TNRC6A: variants seen among roughly 807,000 people sequenced by gnomAD.
TNRC6A encodes trinucleotide repeat containing adaptor 6A, also known as trinucleotide repeat-containing gene 6A protein.
TNRC6A carries 44 observed loss-of-function variants against 221.2 expected under a neutral mutation model. That is an observed-to-expected ratio of 0.20 (90% CI 0.16 to 0.26). The LOEUF (loss-of-function observed/expected upper bound fraction) is 0.26. Ranked by LOEUF, TNRC6A falls within the 10% of genes least tolerant of loss-of-function variation. TNRC6A has a pLI of 1.00. For missense variants in TNRC6A, 2,199 were observed against 2,404.4 expected (o/e 0.91, Z 1.79); for synonymous variants, 847 against 838.5 (o/e 1.01, Z -0.18).
chr16:24,776,226 CT>C, intron 4 of TNRC6A: 2 of 977,418 alleles, frequency 2.0e-6, no homozygotes, highest in Non-Finnish European at 2.4e-6. Context: ...TCTTTCCACT[CT>C]TTTATGAGTC....
At chr16:24,822,747 A>C in intron 23 of TNRC6A, 127 bp from the exon 24 acceptor site, 1 of 1,290,152 alleles carries the variant, frequency 7.8e-7, no homozygotes, top group Non-Finnish European at 1.1e-6. Flanking sequence ...TCAGAGTGTC[A>C]GTGAAGAGTG....
At chr16:24,780,478 G>GT (rs1947566645) in intron 5 of TNRC6A, among the ~76,000 whole-genome samples, 1 of 152,148 alleles carries the variant, frequency 6.6e-6, no homozygotes, top group Admixed American at 6.5e-5. Flanking sequence ...ATTTTTGCTA[G>GT]TTGTCCCAAG....
At chr16:24,696,652 C>A (rs1453064815) in intron 2 of TNRC6A, among the ~76,000 whole-genome samples, 5 of 141,364 alleles carry the variant, frequency 3.5e-5, no homozygotes, top group Non-Finnish European at 6.0e-5. Context: ...TTGCTTGAGA[C>A]TAGGAGGTCA....
At chr16:24,814,704 C>T (rs963613467) in intron 18 of TNRC6A, among the ~76,000 whole-genome samples, 11 of 152,082 alleles carry the variant, frequency 7.2e-5, no homozygotes, top group Admixed American at 1.3e-4. Context: ...TGAGCCACCA[C>T]GCCTGGCCCC....
Position 24,643,086 on chromosome 16 carries a change from T to TATAAC in TNRC6A, n.402+2080_402+2081insACATA, listed in dbSNP as rs1465873306. 1.1e-4 allele frequency among the ~76,000 whole-genome samples: 15 copies of TATAAC among 136,924 alleles called. 1 individual carries two copies. Among genetic ancestry groups the TATAAC allele is most frequent in the South Asian group, 6.7e-4 (3 of 4,498 alleles). 89.8% of individuals were successfully genotyped at this position (136,924 alleles called of 152,430 possible). On this transcript the variant is annotated intron_variant and non_coding_transcript_variant, in intron 2 of 2. Transcript: ENST00000566108. ...ATATATATTATATATATATTATATATATATATTTTATATATATATATAAAA... is the reference window on the plus strand; with the variant it reads ...ATATATATTATATATATATTATATATATAACATATATTTTATATATATATATAAAA...
intron 21 of TNRC6A, chr16:24,819,730 G>C: frequency 1.5e-4 from 29 of 196,928 alleles, no homozygotes; most frequent in South Asian, 2.8e-4. Context: ...CCTGAGTTGG[G>C]GCTCTTTTGC....
chr16:24,743,843 C>T (rs974000658), intron 2 of TNRC6A, among the ~76,000 whole-genome samples: 1 of 152,144 alleles, frequency 6.6e-6, no homozygotes, highest in Non-Finnish European at 1.5e-5. Context: ...ACTACAGTAC[C>T]ATTATGAAAA....
At chr16:24,725,197 T>C (rs72768664), upstream of TNRC6A, among the ~76,000 whole-genome samples, 6,846 of 152,126 alleles carry the variant, frequency 0.045, 205 homozygotes, top group Middle Eastern at 0.1. Flanking sequence ...TGAGAAAAGG[T>C]CTCACTCTGT....
chr16:24,819,467 CTTCCTTTCCT>C (rs1376338477), intron 21 of TNRC6A: 1 of 149,264 alleles, frequency 6.7e-6, no homozygotes, highest in Admixed American at 6.7e-5. Flanking sequence ...TCTGTCTTTC[CTTCCTTTCCT>C]TTCCTTTCTT....
chr16:24,768,597 A>G (rs921610524), intron 4 of TNRC6A, among the ~76,000 whole-genome samples: 3 of 152,188 alleles, frequency 2.0e-5, no homozygotes, highest in Admixed American at 6.5e-5. Flanking sequence ...GTTTTCCTAT[A>G]TAACGACACA....
Position 24,617,860 on chromosome 16 carries a change from T to C in TNRC6A, n.276+7376T>C, listed in dbSNP as rs1900451435. Among the ~76,000 whole-genome samples, 4 of 152,292 alleles carry C rather than the reference T, an allele frequency of 2.6e-5. No homozygotes were observed. In the South Asian group the frequency reaches 8.3e-4, roughly 32 times the overall value. ...CTGGAGATGTGTAGAAGACATTTGA[T>C]TTTATCTATGCCTCTTAATTTGAAT... On this transcript the variant is annotated intron_variant and non_coding_transcript_variant, in intron 1 of 2. Coordinates refer to the TNRC6A transcript ENST00000566108.
chr16:24,809,239 A>C (rs1198422898), intron 17 of TNRC6A, 111 bp from the exon 18 acceptor site: 37 of 955,556 alleles, frequency 3.9e-5, no homozygotes, highest in Non-Finnish European at 5.0e-5. Context: ...ATTAACAGTT[A>C]TGTGGTTTGA....
intron 2 of TNRC6A, among the ~76,000 whole-genome samples, chr16:24,649,788 C>T (rs1410520101): frequency 4.0e-5 from 6 of 151,500 alleles, no homozygotes; most frequent in Non-Finnish European, 8.8e-5. Flanking sequence ...CCAATTTCCC[C>T]ATCCCCCAGC....
At chr16:24,672,619 T>A (rs950653175) in intron 2 of TNRC6A, among the ~76,000 whole-genome samples, 22 of 151,982 alleles carry the variant, frequency 1.4e-4, no homozygotes, top group Admixed American at 6.6e-4. Flanking sequence ...TTTTTGCTAT[T>A]TTTTGTAGAG....
At chr16:24,720,655 C>T (rs2056392557) in intron 2 of TNRC6A, among the ~76,000 whole-genome samples, 1 of 132,084 alleles carries the variant, frequency 7.6e-6, no homozygotes, top group Non-Finnish European at 1.5e-5. Flanking sequence ...CATGCCATTG[C>T]ACTACAGCCT....
At chr16:24,756,731 A>G (rs568749605) in intron 3 of TNRC6A, among the ~76,000 whole-genome samples, 3 of 152,234 alleles carry the variant, frequency 2.0e-5, no homozygotes, top group Non-Finnish European at 4.4e-5. Flanking sequence ...GGCCTCAAGC[A>G]TCTGCCTGTC....
rs566800021 is a variant in TNRC6A, at chr16:24,714,879, G to GTT, written n.403-35835_403-35834dup. Reference sequence around the variant, plus strand: ...TTATCTGGTACATTGTAGTTTTTTTGTTTTTTTTTTTTTCTGGGATGGAGT... The same window carrying GTT: ...TTATCTGGTACATTGTAGTTTTTTTGTTTTTTTTTTTTTTTCTGGGATGGAGT... On this transcript the variant is annotated intron_variant and non_coding_transcript_variant, in intron 2 of 2. Transcript: ENST00000566108. Among the ~76,000 whole-genome samples the GTT allele has an allele frequency of 1.8e-3, 256 of 140,234 alleles. 2 individuals are homozygous for GTT. The highest frequency in any genetic ancestry group is 5.9e-3 in the African/African-American group (224 of 38,120). 92.0% of individuals were successfully genotyped at this position (140,234 alleles called of 152,430 possible).
At chr16:24,808,975 C>T (rs1027757926) in intron 17 of TNRC6A, among the ~76,000 whole-genome samples, 1 of 152,162 alleles carries the variant, frequency 6.6e-6, no homozygotes, top group Non-Finnish European at 1.5e-5. Flanking sequence ...TATCTGTCCC[C>T]AGCCTAGGTG....
Position 24,818,576 on chromosome 16 carries a change from A to C in TNRC6A, c.4973-17A>C, listed in dbSNP as rs770298150. The stretch of plus-strand genomic sequence containing the variant: ...GTCCCTTGCTCTGGTGGCTGATTGG[A>C]CTCTTCCCCCACACAGGGTCATCCT... On this transcript the variant is annotated splice_polypyrimidine_tract_variant and intron_variant, in intron 20 of 24. Transcript: ENST00000395799. 6.2e-7 allele frequency: 1 copy of C among 1,606,388 alleles called. No individual in the cohort carries two copies. The highest frequency in any genetic ancestry group is 8.5e-7 in the Non-Finnish European group (1 of 1,173,520).
Sources: gnomAD v4.1 joint callset for allele counts (sites outside exome capture counted in the v4.1 genomes callset) on GRCh38, gnomAD v4.1.1 for gene constraint, MANE v1.5 for transcripts, NCBI Gene and HGNC (gene_info 2026-07-23, HGNC 2026-07-21) for gene names.